Variants in LARGE1 observed in about 807,000 individuals in gnomAD.
LARGE1 encodes the protein xylosyl- and glucuronyltransferase LARGE1.
LARGE1 carries 43 observed loss-of-function variants against 87.6 expected under a neutral mutation model. The ratio of observed to expected loss-of-function variants is 0.49; its 90% CI spans 0.38 to 0.63. The LOEUF (loss-of-function observed/expected upper bound fraction) is 0.63, where lower values mean the gene tolerates loss of function less well. Among genes scored for constraint, LARGE1 ranks in the 30% least tolerant of loss-of-function variants. LARGE1 has a pLI of 0.00. For synonymous variants in LARGE1, 434 were observed against 394.6 expected (o/e 1.10, Z -1.18); for missense variants, 802 against 1,000.2 (o/e 0.80, Z 2.67).
intron 1 of LARGE1, among the ~76,000 whole-genome samples, chr22:33,769,214 T>C (rs1047938732): frequency 1.3e-5 from 2 of 152,118 alleles, no homozygotes; most frequent in Non-Finnish European, 1.5e-5. Context: ...CATCAAAAAC[T>C]TCCCCCACAA....
At chr22:33,246,637 C>G (rs1305957000) in intron 11 of LARGE1, among the ~76,000 whole-genome samples, 1 of 152,144 alleles carries the variant, frequency 6.6e-6, no homozygotes, top group Non-Finnish European at 1.5e-5. Flanking sequence ...CAGAGCGAGA[C>G]TCCATCTAAA....
At chr22:33,676,801 G>A (rs2149284919) in intron 2 of LARGE1, among the ~76,000 whole-genome samples, 1 of 152,202 alleles carries the variant, frequency 6.6e-6, no homozygotes, top group South Asian at 2.1e-4. Flanking sequence ...ATAGAGACAT[G>A]GTTCTGTTTC....
At position 33,702,044 on chromosome 22, in the gene LARGE1, C is replaced by T. The variant is rs117433985; in HGVS notation, c.107-51376G>A. 7.6e-3 allele frequency among the ~76,000 whole-genome samples: 1,160 copies of T among 152,296 alleles called. 22 individuals carry two copies. The highest frequency in any genetic ancestry group is 0.068 in the East Asian group (353 of 5,180). On this transcript the variant is annotated intron_variant, in intron 2 of 14. Coordinates refer to ENST00000397394, the MANE Select transcript of LARGE1 (RefSeq NM_133642.5). Reference sequence around the variant, plus strand: ...CCCAATCCTTCTCATCTGCAAGAGCCGGCTCCACTGCCATCTCCTCCAATA... The same window carrying T: ...CCCAATCCTTCTCATCTGCAAGAGCTGGCTCCACTGCCATCTCCTCCAATA...
intron 1 of LARGE1, among the ~76,000 whole-genome samples, chr22:33,838,625 A>AAAAT (rs979596329): frequency 2.6e-4 from 39 of 152,290 alleles, no homozygotes; most frequent in Admixed American, 3.9e-4. Context: ...TGTCCCCAGC[A>AAAAT]AAATAAATAA....
intron 5 of LARGE1, among the ~76,000 whole-genome samples, chr22:33,590,035 T>C (rs924892991): frequency 3.3e-5 from 5 of 152,166 alleles, no homozygotes; most frequent in African/African-American, 1.2e-4. Flanking sequence ...TAACTACTGA[T>C]ATTATGTTTT....
Position 33,283,225 on chromosome 22 carries a change from G to C in LARGE1, c.1854C>G (p.Asp618Glu), listed in dbSNP as rs1408745470. The C allele has an allele frequency of 6.2e-7, 1 of 1,614,210 alleles. No individual in the cohort carries two copies. Among genetic ancestry groups the C allele is most frequent in the South Asian group, 1.1e-5 (1 of 91,082 alleles). Reference sequence around the variant, plus strand: ...ACCTGAATGTGAAGAGGGTCCCCATGTCCAGCATTGACAGCAACTCCGCTT... The same window carrying C: ...ACCTGAATGTGAAGAGGGTCCCCATCTCCAGCATTGACAGCAACTCCGCTT... ...KSKAELLSML[D>E]MGTLFTFRYH... The change falls in exon 13 of 15, where the codon GAC becomes GAG. Residue 618 changes from aspartate (D) to glutamate (E), a missense_variant. By Grantham distance (45) the Asp-to-Glu change is conservative. This residue lies in a region of LARGE1 where 625 missense variants were observed against 841.9 expected (regional missense o/e 0.74). Transcript: ENST00000397394.
chr22:33,260,791 G>C (rs1927585703), intron 11 of LARGE1, among the ~76,000 whole-genome samples: 1 of 152,144 alleles, frequency 6.6e-6, no homozygotes, highest in Admixed American at 6.5e-5. Flanking sequence ...CATCCAACCA[G>C]AGCGTTTTAT....
intron 1 of LARGE1, among the ~76,000 whole-genome samples, chr22:33,888,039 C>T (rs370972494): frequency 5.3e-5 from 8 of 152,196 alleles, no homozygotes; most frequent in South Asian, 2.1e-4. Context: ...CTCATTCCAT[C>T]GTTCCTTCCC....
intron 3 of LARGE1, among the ~76,000 whole-genome samples, chr22:33,637,586 CGTT>C (rs1375783326): frequency 1.6e-4 from 19 of 122,198 alleles, no homozygotes; most frequent in Admixed American, 1.4e-3. Flanking sequence ...TTATAAAAGT[CGTT>C]GTAGCTTTTT....
intron 5 of LARGE1, among the ~76,000 whole-genome samples, chr22:33,565,840 C>T (rs539169911): frequency 3.3e-5 from 5 of 152,324 alleles, no homozygotes; most frequent in South Asian, 2.1e-4. Flanking sequence ...GGTACACACA[C>T]GGGTGCCATT....
chr22:33,466,307 TTC>T (rs751419692), intron 6 of LARGE1, among the ~76,000 whole-genome samples: 1 of 152,050 alleles, frequency 6.6e-6, no homozygotes, highest in Admixed American at 6.6e-5. Flanking sequence ...CTTACTCTTG[TTC>T]TCTCTTTCTT....
At chr22:33,485,206 T>C (rs539236762) in intron 6 of LARGE1, among the ~76,000 whole-genome samples, 2 of 147,444 alleles carry the variant, frequency 1.4e-5, no homozygotes, top group African/African-American at 5.1e-5. Flanking sequence ...AGCCACCGCG[T>C]CCGGTCTGAG....
At chr22:33,843,886 T>C (rs2063352835) in intron 1 of LARGE1, among the ~76,000 whole-genome samples, 1 of 152,006 alleles carries the variant, frequency 6.6e-6, no homozygotes, top group Non-Finnish European at 1.5e-5. Context: ...GAGACCAGGC[T>C]GCCCAACACA....
rs116634353 is a variant in LARGE1 at position 33,742,575 on chromosome 22, A to G, written c.106+18796T>C. ...CAAGGCCATGTAGCCAGCAAGTCGCAGCATCAGATTCAGGGCCCAGGTCTT... is the reference window on the plus strand; with the variant it reads ...CAAGGCCATGTAGCCAGCAAGTCGCGGCATCAGATTCAGGGCCCAGGTCTT... On this transcript the variant is annotated intron_variant, in intron 2 of 14. Coordinates refer to ENST00000397394, the MANE Select transcript of LARGE1 (RefSeq NM_133642.5). Among the ~76,000 whole-genome samples, 952 of 152,310 alleles carry G rather than the reference A, an allele frequency of 6.3e-3. 9 individuals are homozygous for G. Among genetic ancestry groups the G allele is most frequent in the African/African-American group, 0.022 (894 of 41,574 alleles).
At position 33,182,686 on chromosome 22, in the gene LARGE1, A is replaced by T. The variant is rs149247799; in HGVS notation, c.1731-15854T>A. On this transcript the variant is annotated intron_variant, in intron 11 of 11. Transcript: ENST00000608642. ...AAACCCATGCCTATGTTGTCTACTA[A>T]TCTTTGATTACAGAATACACAGTGA... Among the ~76,000 whole-genome samples the T allele has an allele frequency of 1.6e-3, 244 of 152,332 alleles. 4 individuals are homozygous for T. The East Asian group carries it at 0.029, about 18-fold the overall frequency.
At chr22:33,799,272 T>C (rs1478731125) in intron 1 of LARGE1, among the ~76,000 whole-genome samples, 1 of 152,080 alleles carries the variant, frequency 6.6e-6, no homozygotes, top group Non-Finnish European at 1.5e-5. Flanking sequence ...GAGACGGGCA[T>C]ACCACTGCCC....
At chr22:33,714,997 G>A (rs2082867705) in intron 2 of LARGE1, among the ~76,000 whole-genome samples, 1 of 152,196 alleles carries the variant, frequency 6.6e-6, no homozygotes, top group African/African-American at 2.4e-5. Flanking sequence ...AAGGAGAAGA[G>A]ACTATTTAAG....
At chr22:33,866,813 C>CA (rs1555886381) in intron 1 of LARGE1, among the ~76,000 whole-genome samples, 1 of 151,176 alleles carries the variant, frequency 6.6e-6, no homozygotes, top group Non-Finnish European at 1.5e-5. Flanking sequence ...AGTCCATTCA[C>CA]TTTTTTTTTC....
rs1194012099 is a variant in LARGE1 at position 33,283,273 on chromosome 22, G to A, written c.1806C>T (p.Tyr602=). 2.5e-6 allele frequency: 4 copies of A among 1,614,186 alleles called. No homozygotes were observed. The highest frequency in any genetic ancestry group is 8.5e-7 in the Non-Finnish European group (1 of 1,180,020). Residue 602 remains tyrosine, a synonymous_variant, in exon 13 of 15, where the codon TAC becomes TAT. Coordinates refer to ENST00000397394, the MANE Select transcript of LARGE1 (RefSeq NM_133642.5). ...MIVPAFETLR[Y]RLSFPKSKAE... ...CTTTTGACTTGGGGAAGGACAGCCG[G>A]TAGCGCAGTGTCTCGAACGCGGGGA...
Sources: gnomAD v4.1 joint callset for allele counts (sites outside exome capture counted in the v4.1 genomes callset) on GRCh38, gnomAD v4.1.1 for gene constraint, gnomAD v4.1.1 regional missense constraint, MANE v1.5 for transcripts, NCBI Gene and HGNC (gene_info 2026-07-23, HGNC 2026-07-21) for gene names.